The following TENM2 variants were observed in gnomAD, a reference collection of about 807,000 sequenced individuals.
TENM2 encodes the protein teneurin transmembrane protein 2, also known as teneurin-2.
Under a neutral mutation model 245.2 loss-of-function variants are expected in TENM2, and 52 were observed. The ratio of observed to expected loss-of-function variants is 0.21; its 90% confidence interval spans 0.17 to 0.27. The LOEUF (loss-of-function observed/expected upper bound fraction) is 0.27. TENM2 is among the 10% of genes least tolerant of loss of function. The pLI is 1.00. For synonymous variants in TENM2, 1,363 were observed against 1,438.9 expected, an observed-to-expected ratio of 0.95 and a Z score of 1.19; for missense variants, 3,046 against 3,666.8, an observed-to-expected ratio of 0.83 and a Z score of 4.37.
rs1315794150 is a variant in TENM2, at chr5:168,244,316, A to G, written c.5521-104A>G. On this transcript the variant is annotated intron_variant, in intron 25 of 28. Transcript: ENST00000518659. The surrounding 1 kb of genome is among the most constrained non-coding windows in gnomAD (Gnocchi z 4.9). The stretch of plus-strand genomic sequence containing the variant: ...TAACTTTGGGGTTATTTCTTCCTCC[A>G]GTGAACACTTAAGCCCTGGCCATGC... 5.6e-6 allele frequency: 5 copies of G among 899,106 alleles called. No individual in the cohort carries two copies. The South Asian group carries it at 1.5e-4, about 27-fold the overall frequency. The allele number at this position is 899,106 out of a possible 1,614,324, so 55.7% of individuals were successfully genotyped here.
intron 3 of TENM2, among the ~76,000 whole-genome samples, chr5:167,945,191 C>T (rs1190059579): frequency 6.6e-6 from 1 of 152,118 alleles, no homozygotes; most frequent in East Asian, 1.9e-4. Flanking sequence ...GATATACAGA[C>T]AAGTGAGACA....
At chr5:167,040,541 ATACCTAAGAGTGC>A in the TENM2 span, among the ~76,000 whole-genome samples, 1 of 152,036 alleles carries the variant, frequency 6.6e-6, no homozygotes, top group East Asian at 2.0e-4. Context: ...AAACTTGCAG[ATACCTAAGAGTGC>A]TATTTGAGAC....
In TENM2 at chr5:167,573,602, G is replaced by A. The variant is rs139284674; in HGVS notation, c.502+198129G>A. Among the ~76,000 whole-genome samples the A allele has an allele frequency of 2.7e-3, 408 of 149,868 alleles. 2 individuals carry two copies. The highest frequency in any genetic ancestry group is 4.9e-3 in the Non-Finnish European group (331 of 67,702). On this transcript the variant is annotated intron_variant, in intron 2 of 28. Transcript: ENST00000518659. Reference sequence around the variant, plus strand: ...CGCTCATTGTTCTCTCTCTCCTCCTGCCTTTGATGCACATACGTTGTCACA... The same window carrying A: ...CGCTCATTGTTCTCTCTCTCCTCCTACCTTTGATGCACATACGTTGTCACA...
the TENM2 span, among the ~76,000 whole-genome samples, chr5:167,082,785 T>G: frequency 6.6e-6 from 1 of 152,158 alleles, no homozygotes; most frequent in Non-Finnish European, 1.5e-5. Flanking sequence ...TTTTAAAAAT[T>G]AATTTATTTT....
intron 2 of TENM2, among the ~76,000 whole-genome samples, chr5:167,711,864 TCTTATTTCAGAGTAA>T (rs1281158767): frequency 5.3e-5 from 8 of 152,226 alleles, no homozygotes; most frequent in South Asian, 2.1e-4. Flanking sequence ...AGAGTAACAC[TCTTATTTCAGAGTAA>T]CTTATTTCAG....
At chr5:167,219,505 A>G in the TENM2 span, among the ~76,000 whole-genome samples, 1 of 152,210 alleles carries the variant, frequency 6.6e-6, no homozygotes, top group African/African-American at 2.4e-5. Flanking sequence ...CCTCCTTGTG[A>G]CCAGCTCTTT....
intron 1 of TENM2, among the ~76,000 whole-genome samples, chr5:167,351,604 A>T (rs532212051): frequency 6.6e-6 from 1 of 152,338 alleles, no homozygotes; most frequent in African/African-American, 2.4e-5. Flanking sequence ...GTCTCAAAGC[A>T]GAACATATAG....
the TENM2 span, among the ~76,000 whole-genome samples, chr5:167,154,193 G>T: frequency 4.6e-5 from 7 of 152,178 alleles, no homozygotes; most frequent in African/African-American, 1.7e-4. Context: ...ATGTATTGAA[G>T]AATAGTGCCT....
chr5:167,139,966 G>A, the TENM2 span, among the ~76,000 whole-genome samples: 1 of 152,146 alleles, frequency 6.6e-6, no homozygotes, highest in Non-Finnish European at 1.5e-5. Context: ...TCTAGCATTA[G>A]CATCATGAAA....
chr5:167,511,850 G>T (rs900513876), intron 2 of TENM2, among the ~76,000 whole-genome samples: 8 of 152,166 alleles, frequency 5.3e-5, no homozygotes, highest in Non-Finnish European at 1.2e-4. Flanking sequence ...TCCTCATTTT[G>T]TGTCACTAAA....
chr5:167,200,076 G>T, the TENM2 span, among the ~76,000 whole-genome samples: 1 of 152,022 alleles, frequency 6.6e-6, no homozygotes, highest in Non-Finnish European at 1.5e-5. Flanking sequence ...TTCGGATGAG[G>T]ATGAGCCAGC....
chr5:168,194,115 A>G (rs1874461), intron 14 of TENM2, among the ~76,000 whole-genome samples: 124,878 of 151,894 alleles, frequency 0.82, 52,040 homozygotes, highest in East Asian at 0.96. Context: ...CAAGATTGTG[A>G]CAAAGGACGG....
At chr5:168,250,803 A>G (rs1029008158) in intron 27 of TENM2, among the ~76,000 whole-genome samples, 1 of 152,224 alleles carries the variant, frequency 6.6e-6, no homozygotes, top group African/African-American at 2.4e-5. Flanking sequence ...CATGCTTAGC[A>G]TAACTTTTAT....
In TENM2 at chr5:167,836,577, A is replaced by G. The variant is rs1440269341; in HGVS notation, c.503-39409A>G. 3.3e-5 allele frequency among the ~76,000 whole-genome samples: 5 copies of G among 152,196 alleles called. 1 individual carries two copies. The highest frequency in any genetic ancestry group is 7.3e-5 in the Non-Finnish European group (5 of 68,036). ...AAATAATAAATAGAGAAAAAATGTC[A>G]CACTTGTAACCATGTTCACCAGGAC... is the stretch of plus-strand genomic sequence containing the variant. On this transcript the variant is annotated intron_variant, in intron 2 of 28. Transcript: ENST00000518659.
chr5:167,249,134 A>T, the TENM2 span, among the ~76,000 whole-genome samples: 1 of 152,176 alleles, frequency 6.6e-6, no homozygotes, highest in African/African-American at 2.4e-5. Flanking sequence ...TATATACTGG[A>T]TAGAAGAGTT....
intron 2 of TENM2, among the ~76,000 whole-genome samples, chr5:167,698,679 G>GTTTTTTTTTTTTTTTTTTTTTT (rs1225922111): frequency 9.2e-5 from 9 of 97,744 alleles, no homozygotes; most frequent in African/African-American, 2.9e-4. Flanking sequence ...TTTGTTTTTT[G>GTTTTTTTTTTTTTTTTTTTTTT]TTTTTTTTTT....
intron 1 of TENM2, among the ~76,000 whole-genome samples, chr5:167,288,431 C>A (rs1024529040): frequency 6.6e-6 from 1 of 151,722 alleles, no homozygotes; most frequent in Non-Finnish European, 1.5e-5. Context: ...CGGTGGCGGG[C>A]GCCTGTAGTC....
intron 2 of TENM2, among the ~76,000 whole-genome samples, chr5:167,765,039 C>T (rs1459999402): frequency 2.0e-5 from 3 of 152,076 alleles, no homozygotes; most frequent in Admixed American, 6.5e-5. Context: ...TTCTGCAACC[C>T]GAGTGCCTGT....
chr5:168,002,587 A>C (rs1277418675), intron 5 of TENM2, among the ~76,000 whole-genome samples: 1 of 152,202 alleles, frequency 6.6e-6, no homozygotes, highest in Non-Finnish European at 1.5e-5. Context: ...TATGCACCAA[A>C]TTTTACAAAC....
Sources: gnomAD v4.1 joint callset for allele counts (sites outside exome capture counted in the v4.1 genomes callset) on GRCh38, gnomAD v4.1.1 for gene constraint, Gnocchi (gnomAD v3.1) non-coding constraint, MANE v1.5 for transcripts, NCBI Gene and HGNC (gene_info 2026-07-23, HGNC 2026-07-21) for gene names.